The following PALM2AKAP2 variants were observed in gnomAD, a reference collection of about 807,000 sequenced individuals.
The protein encoded by PALM2AKAP2 is PALM2-AKAP2 fusion protein.
Under a neutral mutation model 71.5 loss-of-function variants are expected in PALM2AKAP2, and 37 were observed. The ratio of observed to expected loss-of-function variants is 0.52; its 90% confidence interval spans 0.40 to 0.68. The LOEUF (loss-of-function observed/expected upper bound fraction) is 0.68. Among genes scored for constraint, PALM2AKAP2 ranks in the 30% least tolerant of loss-of-function variants. PALM2AKAP2 has a pLI of 0.00. For missense variants in PALM2AKAP2, 1,224 were observed against 1,191.8 expected (o/e 1.03, Z -0.40); for synonymous variants, 468 against 478.8 (o/e 0.98, Z 0.29).
At chr9:110,101,704 G>A (rs536552840) in intron 1 of PALM2AKAP2, among the ~76,000 whole-genome samples, 35 of 152,336 alleles carry the variant, frequency 2.3e-4, no homozygotes, top group African/African-American at 8.4e-4. Context: ...AAACACAGCT[G>A]GCTTCTGTGG....
At chr9:110,050,762 G>C (rs1028192581) in intron 1 of PALM2AKAP2, among the ~76,000 whole-genome samples, 1 of 151,946 alleles carries the variant, frequency 6.6e-6, no homozygotes, top group African/African-American at 2.4e-5. Context: ...CGAATACCTG[G>C]GATTACAGGC....
chr9:110,016,870 C>G (rs1432389010), intron 7 of PALM2AKAP2, among the ~76,000 whole-genome samples: 1 of 152,118 alleles, frequency 6.6e-6, no homozygotes, highest in Non-Finnish European at 1.5e-5. Flanking sequence ...TTATATAGAG[C>G]TGTAACTGGA....
At chr9:110,153,131 C>T (rs1836365181) in intron 2 of PALM2AKAP2, among the ~76,000 whole-genome samples, 1 of 152,210 alleles carries the variant, frequency 6.6e-6, no homozygotes, top group African/African-American at 2.4e-5. Context: ...GAAAAACTTG[C>T]TCAAGGGATG....
chr9:109,874,601 A>T (rs1210405983), intron 2 of PALM2AKAP2, among the ~76,000 whole-genome samples: 1 of 152,228 alleles, frequency 6.6e-6, no homozygotes, highest in South Asian at 2.1e-4. Context: ...ATGACTGCCA[A>T]ATTGAGAATC....
chr9:109,729,042 C>T (rs1009316141), intron 1 of PALM2AKAP2, among the ~76,000 whole-genome samples: 1 of 152,156 alleles, frequency 6.6e-6, no homozygotes, highest in Non-Finnish European at 1.5e-5. Context: ...CTGTTGGCTG[C>T]TACGTTTTTT....
chr9:109,994,714 C>T (rs1262415313), intron 6 of PALM2AKAP2, among the ~76,000 whole-genome samples: 3 of 152,138 alleles, frequency 2.0e-5, no homozygotes, highest in African/African-American at 7.2e-5. Context: ...TCTGTCTCCC[C>T]TCCGCCACCC....
intron 1 of PALM2AKAP2, among the ~76,000 whole-genome samples, chr9:109,849,013 C>T (rs1287569981): frequency 6.6e-6 from 1 of 151,928 alleles, no homozygotes; most frequent in African/African-American, 2.4e-5. Context: ...CCAGCTCCTG[C>T]ACTAGAGGAT....
intron 1 of PALM2AKAP2, among the ~76,000 whole-genome samples, chr9:109,783,904 G>GC (rs1826891485): frequency 6.6e-6 from 1 of 152,156 alleles, no homozygotes; most frequent in African/African-American, 2.4e-5. Flanking sequence ...TGGAATATCC[G>GC]CCCCCACCAA....
intron 1 of PALM2AKAP2, among the ~76,000 whole-genome samples, chr9:110,122,270 G>A (rs964923670): frequency 6.6e-6 from 1 of 152,288 alleles, no homozygotes; most frequent in African/African-American, 2.4e-5. Context: ...CCAAGTGATC[G>A]ATTCTCCCGC....
At chr9:110,143,504 G>A (rs1263079980) in intron 2 of PALM2AKAP2, among the ~76,000 whole-genome samples, 1 of 151,892 alleles carries the variant, frequency 6.6e-6, no homozygotes, top group Admixed American at 6.6e-5. Context: ...CTCACACAGT[G>A]CTGTAAAACA....
At chr9:109,976,855 G>A (rs1015621177) in intron 6 of PALM2AKAP2, among the ~76,000 whole-genome samples, 5 of 152,178 alleles carry the variant, frequency 3.3e-5, no homozygotes, top group African/African-American at 9.7e-5. Context: ...ATAGTAAGTG[G>A]CTGAGCCAGG....
intron 6 of PALM2AKAP2, among the ~76,000 whole-genome samples, chr9:109,983,354 A>G (rs1588044004): frequency 1.3e-5 from 2 of 151,786 alleles, no homozygotes; most frequent in African/African-American, 2.4e-5. Context: ...TGCTTTTTCT[A>G]TGCTCTCTCC....
chr9:109,691,927 C>CATAT (rs202186589), intron 1 of PALM2AKAP2, among the ~76,000 whole-genome samples: 1 of 97,258 alleles, frequency 1.0e-5, no homozygotes, highest in Non-Finnish European at 2.0e-5. Context: ...TATATATACA[C>CATAT]ATATATATAT....
chr9:109,861,442 G>T (rs1829306629), intron 1 of PALM2AKAP2, among the ~76,000 whole-genome samples: 2 of 152,268 alleles, frequency 1.3e-5, no homozygotes, highest in South Asian at 4.2e-4. Flanking sequence ...TTACGAACAT[G>T]TTATGATTAT....
upstream of PALM2AKAP2, among the ~76,000 whole-genome samples, chr9:110,047,648 C>T (rs1261166688): frequency 6.6e-6 from 1 of 152,112 alleles, no homozygotes; most frequent in Non-Finnish European, 1.5e-5. Flanking sequence ...CTGGGAAAAT[C>T]GTGCCTAGGG....
rs548901569 is a variant in PALM2AKAP2, at chr9:110,119,575, T to C, written c.157-16552T>C. ...ACGTTGCCAAATTGCCATCCAACTTTATGGAGTTGGATGAGGGTACCTCTC... is the reference window on the plus strand; with the variant it reads ...ACGTTGCCAAATTGCCATCCAACTTCATGGAGTTGGATGAGGGTACCTCTC... On this transcript the variant is annotated intron_variant, in intron 1 of 3. Transcript: ENST00000374525. 9.9e-5 allele frequency among the ~76,000 whole-genome samples: 15 copies of C among 152,274 alleles called. No homozygotes were observed. The South Asian group carries it at 3.1e-3, about 32-fold the overall frequency.
chr9:109,653,381 C>T (rs549179063), intron 1 of PALM2AKAP2, among the ~76,000 whole-genome samples: 23 of 152,350 alleles, frequency 1.5e-4, no homozygotes, highest in African/African-American at 5.1e-4. Flanking sequence ...TCGAAAGCCT[C>T]TGAACCTCTG....
At chr9:110,119,789 T>TCCCC (rs1835445673) in intron 1 of PALM2AKAP2, among the ~76,000 whole-genome samples, 1 of 152,150 alleles carries the variant, frequency 6.6e-6, no homozygotes, top group Admixed American at 6.5e-5. Context: ...ATTGCAAGGG[T>TCCCC]CCTTTATATT....
chr9:109,998,631 G>C (rs1832619297), intron 6 of PALM2AKAP2, among the ~76,000 whole-genome samples: 2 of 140,284 alleles, frequency 1.4e-5, no homozygotes, highest in South Asian at 5.3e-4. Context: ...CAGGGCGGGG[G>C]AGTGGGGAGC....
Sources: gnomAD v4.1 joint callset for allele counts (sites outside exome capture counted in the v4.1 genomes callset) on GRCh38, gnomAD v4.1.1 for gene constraint, MANE v1.5 for transcripts, NCBI Gene and HGNC (gene_info 2026-07-23, HGNC 2026-07-21) for gene names.